VTCN1: variants seen among roughly 807,000 people sequenced by gnomAD.
VTCN1 encodes V-set domain-containing T-cell activation inhibitor 1.
Under a neutral mutation model 26.5 loss-of-function variants are expected in VTCN1, and 26 were observed. That is an observed-to-expected ratio of 0.98 (90% CI 0.72 to 1.36). The LOEUF (loss-of-function observed/expected upper bound fraction) is 1.36, where lower values mean the gene tolerates loss of function less well. VTCN1 is among the 40% of genes most tolerant of loss of function. The pLI is 0.00. For missense variants in VTCN1, 298 were observed against 337.7 expected (o/e 0.88, Z 0.92); for synonymous variants, 116 against 130.7 (o/e 0.89, Z 0.77).
intron 1 of VTCN1, among the ~76,000 whole-genome samples, chr1:117,173,568 T>A (rs771739825): frequency 3.1e-4 from 47 of 152,214 alleles, no homozygotes; most frequent in Non-Finnish European, 5.1e-4. Context: ...AGATAATACA[T>A]TTCCATTTCT....
chr1:117,156,922 C>CT lies in VTCN1; in HGVS notation c.98-2dup, dbSNP rs1420649378. On this transcript the variant is annotated splice_acceptor_variant, in intron 2 of 5. Coordinates refer to ENST00000369458, the MANE Select transcript of VTCN1 (RefSeq NM_024626.4). LOFTEE classifies it high-confidence loss of function. Reference sequence around the variant, plus strand: ...GTAGTGACTGTGATGGAGTGTCTCCCTGCAGTTCAGGAAGCAAAGATCAAT... The same window carrying CT: ...GTAGTGACTGTGATGGAGTGTCTCCCTTGCAGTTCAGGAAGCAAAGATCAAT... 1 of 1,613,994 alleles carries CT rather than the reference C, an allele frequency of 6.2e-7. No individual in the cohort carries two copies. Among genetic ancestry groups the CT allele is most frequent in the Non-Finnish European group, 8.5e-7 (1 of 1,179,994 alleles).
intron 2 of VTCN1, among the ~76,000 whole-genome samples, chr1:117,163,413 T>A (rs6660331): frequency 0.17 from 26,171 of 152,180 alleles, 4,042 homozygotes; most frequent in African/African-American, 0.42. Context: ...TGCTAAATAT[T>A]GTACCTGAAT....
At chr1:117,173,390 A>ACC in intron 1 of VTCN1, 1 of 444,148 alleles carries the variant, frequency 2.3e-6, no homozygotes. Flanking sequence ...ACACACACAC[A>ACC]ACACCATGTA....
chr1:117,195,562 G>A (rs926333247), intron 1 of VTCN1, among the ~76,000 whole-genome samples: 5 of 152,122 alleles, frequency 3.3e-5, no homozygotes, highest in Non-Finnish European at 7.3e-5. Flanking sequence ...TATTGAAGAA[G>A]ATGGTAATGT....
chr1:117,175,229 A>G lies in VTCN1; in HGVS notation c.33-5058T>C, dbSNP rs1570963826. Among the ~76,000 whole-genome samples the G allele has an allele frequency of 2.6e-5, 4 of 152,360 alleles. No individual in the cohort carries two copies. In the East Asian group the frequency reaches 5.8e-4, roughly 22 times the overall value. On this transcript the variant is annotated intron_variant, in intron 1 of 5. Transcript: ENST00000369458. This position sits in a 1 kb window ranked among gnomAD's most constrained non-coding sequence, Gnocchi z 4.2. Reference sequence around the variant, plus strand: ...CTTAAAGGCAGAGCGCTCGAAACCTATGCGACTTTGTAATTAGTCTACTAA... The same window carrying G: ...CTTAAAGGCAGAGCGCTCGAAACCTGTGCGACTTTGTAATTAGTCTACTAA...
At chr1:117,164,754 G>A (rs1262797273) in intron 2 of VTCN1, among the ~76,000 whole-genome samples, 4 of 152,202 alleles carry the variant, frequency 2.6e-5, no homozygotes, top group Middle Eastern at 3.2e-3. Flanking sequence ...CAAAGTCAGA[G>A]GGTGCGTGAT....
chr1:117,210,710 C>A, intron 1 of VTCN1, 114 bp downstream of exon 1: 1 of 1,142,804 alleles, frequency 8.8e-7, no homozygotes, highest in Non-Finnish European at 1.3e-6. Flanking sequence ...AATGCTGGAT[C>A]AGATAAAATT....
intron 1 of VTCN1, among the ~76,000 whole-genome samples, chr1:117,195,968 T>C (rs1039160248): frequency 6.6e-6 from 1 of 152,016 alleles, no homozygotes; most frequent in South Asian, 2.1e-4. Context: ...TTGGGCAACA[T>C]AGGAAGGCCT....
At chr1:117,156,477 T>C (rs928518187) in intron 3 of VTCN1, 97 bp downstream of exon 3, 19 of 1,288,046 alleles carry the variant, frequency 1.5e-5, no homozygotes, top group Middle Eastern at 1.9e-4. Flanking sequence ...AGCATCATTG[T>C]CTGATATTGG....
chr1:117,172,427 T>TCTTA, intron 1 of VTCN1: 1 of 518,810 alleles, frequency 1.9e-6, no homozygotes, highest in Admixed American at 1.9e-5. Context: ...TAGCCTCAGT[T>TCTTA]CTTACTGGTC....
intron 1 of VTCN1, among the ~76,000 whole-genome samples, chr1:117,203,464 G>A (rs1332201381): frequency 1.3e-5 from 2 of 152,076 alleles, no homozygotes; most frequent in African/African-American, 4.8e-5. Context: ...AAAAGAAAGA[G>A]GAAAAACTGC....
chr1:117,175,146 A>G lies in VTCN1; in HGVS notation c.33-4975T>C, dbSNP rs1265735852. ...TGGGCCTTTGTTAAAACATATGCAC[A>G]TTCCTGAAAAGCCTCACATTCACAA... On this transcript the variant is annotated intron_variant, in intron 1 of 5. Transcript: ENST00000369458. The surrounding 1 kb of genome is among the most constrained non-coding windows in gnomAD (Gnocchi z 4.2). 6.6e-6 allele frequency among the ~76,000 whole-genome samples: 1 copy of G among 152,244 alleles called. No homozygotes were observed. Among genetic ancestry groups the G allele is most frequent in the Non-Finnish European group, 1.5e-5 (1 of 68,046 alleles).
At chr1:117,205,045 GTATATGTATA>G (rs1474307870) in intron 1 of VTCN1, among the ~76,000 whole-genome samples, 10 of 147,678 alleles carry the variant, frequency 6.8e-5, no homozygotes, top group African/African-American at 2.3e-4. Context: ...TACGTGTCCT[GTATATGTATA>G]TATATGTATA....
intron 1 of VTCN1, among the ~76,000 whole-genome samples, chr1:117,190,721 A>G (rs1648203706): frequency 6.6e-6 from 1 of 152,214 alleles, no homozygotes; most frequent in South Asian, 2.1e-4. Flanking sequence ...AACCTTGCTT[A>G]ACTACAATCC....
chr1:117,208,178 C>G (rs945656816), intron 1 of VTCN1, among the ~76,000 whole-genome samples: 2 of 152,194 alleles, frequency 1.3e-5, no homozygotes, highest in African/African-American at 4.8e-5. Flanking sequence ...CCCAGCATTT[C>G]CTGCCTCAAA....
rs573225553 is a variant in VTCN1 at position 117,210,278 on chromosome 1, A to G, written c.32+546T>C. Among the ~76,000 whole-genome samples, 18 of 152,192 alleles carry G rather than the reference A, an allele frequency of 1.2e-4. 1 individual carries two copies. Among genetic ancestry groups the G allele is most frequent in the Admixed American group, 1.1e-3 (17 of 15,300 alleles). On this transcript the variant is annotated intron_variant, in intron 1 of 5. Transcript: ENST00000369458. ...TCTCCAAGGAGCTCCTAGGAAAACT[A>G]GGGACCCAACCTTTGAGCTGGGGGG...
chr1:117,189,135 C>T (rs1007852048), intron 1 of VTCN1, among the ~76,000 whole-genome samples: 1 of 152,170 alleles, frequency 6.6e-6, no homozygotes, highest in African/African-American at 2.4e-5. Flanking sequence ...AAAAGACCCT[C>T]ATTACCAACT....
chr1:117,203,009 G>A (rs1386305189), intron 1 of VTCN1, among the ~76,000 whole-genome samples: 1 of 152,160 alleles, frequency 6.6e-6, no homozygotes, highest in Non-Finnish European at 1.5e-5. Context: ...AGAGATTGAT[G>A]ATGTCTGCTG....
In VTCN1 at chr1:117,175,932, G is replaced by A. The variant is rs1284620391; in HGVS notation, c.33-5761C>T. 3.9e-5 allele frequency among the ~76,000 whole-genome samples: 6 copies of A among 151,902 alleles called. No individual in the cohort carries two copies. The highest frequency in any genetic ancestry group is 1.9e-4 in the East Asian group (1 of 5,168). ...ATTACAGGCACGTGCCACCACGCCC[G>A]GCTAATTTTTTATTTTTAGTAGAGA... is the stretch of plus-strand genomic sequence containing the variant. On this transcript the variant is annotated intron_variant, in intron 1 of 5. Coordinates refer to ENST00000369458, the MANE Select transcript of VTCN1 (RefSeq NM_024626.4). The surrounding 1 kb of genome is among the most constrained non-coding windows in gnomAD (Gnocchi z 4.2).
Sources: gnomAD v4.1 joint callset for allele counts (sites outside exome capture counted in the v4.1 genomes callset) on GRCh38, gnomAD v4.1.1 for gene constraint, Gnocchi (gnomAD v3.1) non-coding constraint, MANE v1.5 for transcripts, NCBI Gene and HGNC (gene_info 2026-07-23, HGNC 2026-07-21) for gene names.